Variants in ALK observed in about 807,000 individuals in gnomAD.
ALK encodes ALK receptor tyrosine kinase.
A neutral mutation model predicts 163.1 loss-of-function variants in ALK; 74 were observed. The ratio of observed to expected loss-of-function variants is 0.45; its 90% CI spans 0.38 to 0.55. ALK has a LOEUF of 0.55. Among genes scored for constraint, ALK ranks in the 20% least tolerant of loss-of-function variants. The pLI is 0.00. For missense variants in ALK, 2,063 were observed against 2,105.3 expected, an observed-to-expected ratio of 0.98 and a Z score of 0.39; for synonymous variants, 960 against 843.2, an observed-to-expected ratio of 1.14 and a Z score of -2.40.
intron 4 of ALK, among the ~76,000 whole-genome samples, chr2:29,398,890 G>A (rs6750566): frequency 0.089 from 13,471 of 152,182 alleles, 771 homozygotes; most frequent in East Asian, 0.29. Flanking sequence ...GATTCAAAGC[G>A]CTGGTGGCCT....
intron 4 of ALK, among the ~76,000 whole-genome samples, chr2:29,509,011 G>A (rs1672433447): frequency 6.6e-6 from 1 of 152,176 alleles, no homozygotes. Context: ...AGAAATGGAT[G>A]TGAGTAGCGT....
chr2:29,832,069 T>C (rs1235193665), intron 1 of ALK, among the ~76,000 whole-genome samples: 1 of 152,170 alleles, frequency 6.6e-6, no homozygotes, highest in Admixed American at 6.5e-5. Context: ...ACCATGACAC[T>C]GGGAGATGAG....
intron 26 of ALK, among the ~76,000 whole-genome samples, chr2:29,204,398 G>A (rs543817800): frequency 1.8e-3 from 275 of 152,120 alleles, no homozygotes; most frequent in African/African-American, 6.5e-3. Flanking sequence ...GACTTTCCTC[G>A]TTTTTTATGA....
chr2:29,474,376 G>A (rs112582430), intron 4 of ALK, among the ~76,000 whole-genome samples: 1 of 152,294 alleles, frequency 6.6e-6, no homozygotes, highest in African/African-American at 2.4e-5. Flanking sequence ...GCCGGTAAGT[G>A]TTTCACATCT....
intron 8 of ALK, among the ~76,000 whole-genome samples, chr2:29,310,727 C>T (rs566013368): frequency 6.6e-6 from 1 of 152,350 alleles, no homozygotes; most frequent in South Asian, 2.1e-4. Flanking sequence ...CCCTCCCTCG[C>T]TCATCCCTCT....
chr2:29,889,776 C>G (rs1372266556), intron 1 of ALK, among the ~76,000 whole-genome samples: 1 of 139,786 alleles, frequency 7.2e-6, no homozygotes, highest in African/African-American at 2.7e-5. Flanking sequence ...GGAGGGCAGG[C>G]AGGTGAGGTG....
At chr2:29,396,679 A>C (rs112884480) in intron 4 of ALK, among the ~76,000 whole-genome samples, 10,241 of 151,664 alleles carry the variant, frequency 0.068, 458 homozygotes, top group Non-Finnish European at 0.1. Context: ...CATCTCAAAA[A>C]CAAAAACAAA....
At chr2:29,888,149 G>T (rs1271921112) in intron 1 of ALK, among the ~76,000 whole-genome samples, 1 of 151,966 alleles carries the variant, frequency 6.6e-6, no homozygotes, top group Non-Finnish European at 1.5e-5. Flanking sequence ...TTGATGTCTT[G>T]GTTTCTGGCA....
At chr2:29,249,594 C>T (rs1664765333) in intron 12 of ALK, among the ~76,000 whole-genome samples, 2 of 152,148 alleles carry the variant, frequency 1.3e-5, no homozygotes, top group Admixed American at 6.5e-5. Flanking sequence ...GATTGTGCAG[C>T]CTTACATGTG....
At chr2:29,568,342 T>C (rs1225656231) in intron 3 of ALK, among the ~76,000 whole-genome samples, 3 of 152,252 alleles carry the variant, frequency 2.0e-5, no homozygotes, top group African/African-American at 7.2e-5. Flanking sequence ...TTTCCTCTTT[T>C]GACAACGGCA....
intron 3 of ALK, among the ~76,000 whole-genome samples, chr2:29,556,330 C>A (rs147762039): frequency 3.9e-5 from 6 of 152,172 alleles, no homozygotes; most frequent in African/African-American, 7.2e-5. Context: ...AGAAGTCTCA[C>A]GGAGGAAACC....
Position 29,275,411 on chromosome 2 carries a change from A to G in ALK, c.1903T>C (p.Tyr635His). 1 of 1,614,124 alleles carries G rather than the reference A, an allele frequency of 6.2e-7. No individual in the cohort carries two copies. Among genetic ancestry groups the G allele is most frequent in the Non-Finnish European group, 8.5e-7 (1 of 1,180,006 alleles). ...GTCAGAGTGAACTCACTGGTGAGGT[A>G]GCAGTCCAGGCTGATGGAGATATTG... ...FDNISISLDCYLTISGEDKIL... is the reference protein window; with the variant it reads ...FDNISISLDCHLTISGEDKIL... The change falls in exon 10 of 29, where the codon TAC becomes CAC. Residue 635 changes from tyrosine to histidine, a missense_variant. Coordinates refer to ENST00000389048, the MANE Select transcript of ALK (RefSeq NM_004304.5).
At chr2:29,704,723 T>C (rs1185269970) in intron 2 of ALK, among the ~76,000 whole-genome samples, 1 of 152,128 alleles carries the variant, frequency 6.6e-6, no homozygotes, top group African/African-American at 2.4e-5. Context: ...AGCTCCCTGC[T>C]GGTGAGCAGG....
intron 1 of ALK, among the ~76,000 whole-genome samples, chr2:29,860,805 TA>T (rs1666267299): frequency 6.6e-6 from 1 of 152,142 alleles, no homozygotes. Context: ...AAGGGAAATT[TA>T]AAAATATCTT....
intron 9 of ALK, among the ~76,000 whole-genome samples, chr2:29,290,416 C>T (rs770576909): frequency 1.3e-5 from 2 of 152,166 alleles, no homozygotes; most frequent in Non-Finnish European, 2.9e-5. Flanking sequence ...GGTCAGTAGG[C>T]GAGTGATGTC....
At chr2:29,691,700 C>CGG (rs1260465967) in intron 3 of ALK, among the ~76,000 whole-genome samples, 2 of 152,072 alleles carry the variant, frequency 1.3e-5, no homozygotes. Context: ...CTCTCCCCCC[C>CGG]TTCTTTTTTG....
chr2:29,395,538 A>G (rs1669282225), intron 4 of ALK, among the ~76,000 whole-genome samples: 1 of 152,206 alleles, frequency 6.6e-6, no homozygotes, highest in African/African-American at 2.4e-5. Context: ...ACTGAAGGAC[A>G]TTGGAGGGTC....
At chr2:29,893,214 T>G (rs1667190716) in intron 1 of ALK, among the ~76,000 whole-genome samples, 1 of 152,304 alleles carries the variant, frequency 6.6e-6, no homozygotes, top group Non-Finnish European at 1.5e-5. Context: ...AGAAAAAGAT[T>G]GCTCCATTTA....
intron 1 of ALK, among the ~76,000 whole-genome samples, chr2:29,917,997 C>A (rs989117485): frequency 6.6e-6 from 1 of 152,246 alleles, no homozygotes; most frequent in South Asian, 2.1e-4. Flanking sequence ...TGCTTCCCTA[C>A]AGCCAATAGC....
Sources: allele counts gnomAD v4.1 joint callset (sites outside exome capture counted in the v4.1 genomes callset), GRCh38; gene constraint gnomAD v4.1.1; transcripts MANE v1.5; gene names NCBI Gene and HGNC (gene_info 2026-07-23, HGNC 2026-07-21).